SNX29: variants seen among roughly 807,000 people sequenced by gnomAD.
SNX29 encodes the protein sorting nexin-29.
A neutral mutation model predicts 102.1 loss-of-function variants in SNX29; 78 were observed. The ratio of observed to expected loss-of-function variants is 0.76; its 90% CI spans 0.64 to 0.92. The LOEUF (loss-of-function observed/expected upper bound fraction) is 0.92. Among genes scored for constraint, SNX29 ranks in the 40% least tolerant of loss-of-function variants. The pLI is 0.00. For synonymous variants in SNX29, 580 were observed against 414.5 expected (o/e 1.40, Z -4.85); for missense variants, 1,280 against 1,061.7 (o/e 1.21, Z -2.86).
intron 1 of SNX29, among the ~76,000 whole-genome samples, chr16:11,983,438 C>T (rs1023807715): frequency 1.3e-5 from 2 of 151,998 alleles, no homozygotes; most frequent in Non-Finnish European, 2.9e-5. Context: ...ACTGGGCCCT[C>T]TCTGACAGTA....
At chr16:12,171,520 GCT>G (rs1466734774) in intron 13 of SNX29, among the ~76,000 whole-genome samples, 2 of 152,226 alleles carry the variant, frequency 1.3e-5, no homozygotes, top group Non-Finnish European at 2.9e-5. Flanking sequence ...TGAGCACCCA[GCT>G]CTGGCTGTAG....
chr16:12,304,822 T>G (rs2080289429), intron 15 of SNX29, among the ~76,000 whole-genome samples: 1 of 152,258 alleles, frequency 6.6e-6, no homozygotes, highest in Admixed American at 6.5e-5. Context: ...TAAACTCTCA[T>G]TTACCTAGCA....
intron 20 of SNX29, among the ~76,000 whole-genome samples, chr16:12,534,724 C>A (rs539838466): frequency 3.3e-5 from 5 of 152,358 alleles, no homozygotes; most frequent in Admixed American, 3.3e-4. Flanking sequence ...CTGTCACTCA[C>A]TGCCCCTTGC....
At chr16:12,128,461 T>TC (rs1423416324) in intron 12 of SNX29, among the ~76,000 whole-genome samples, 1 of 150,656 alleles carries the variant, frequency 6.6e-6, no homozygotes, top group Non-Finnish European at 1.5e-5. Context: ...TCTTTTTTTT[T>TC]TTTTTTTTTG....
At chr16:12,164,773 C>T (rs542071470) in intron 13 of SNX29, among the ~76,000 whole-genome samples, 18 of 149,416 alleles carry the variant, frequency 1.2e-4, no homozygotes, top group African/African-American at 4.2e-4. Flanking sequence ...CTGCAACATC[C>T]GCCTCCCGGG....
At chr16:12,531,578 C>G (rs1014962369) in intron 20 of SNX29, among the ~76,000 whole-genome samples, 1 of 152,200 alleles carries the variant, frequency 6.6e-6, no homozygotes, top group East Asian at 1.9e-4. Flanking sequence ...CATTGCCATT[C>G]TCTGGGATGA....
At chr16:12,538,476 C>T (rs140547599) in intron 20 of SNX29, among the ~76,000 whole-genome samples, 2 of 152,144 alleles carry the variant, frequency 1.3e-5, no homozygotes, top group African/African-American at 2.4e-5. Flanking sequence ...TATGTTGATG[C>T]TGTGTAACAT....
intron 14 of SNX29, among the ~76,000 whole-genome samples, chr16:12,204,422 G>A (rs986088191): frequency 6.6e-6 from 1 of 152,192 alleles, no homozygotes; most frequent in African/African-American, 2.4e-5. Context: ...CTGCTCCTGT[G>A]CTGTAAAGCT....
intron 13 of SNX29, among the ~76,000 whole-genome samples, chr16:12,140,118 G>A (rs1333404556): frequency 3.3e-5 from 5 of 152,000 alleles, no homozygotes; most frequent in African/African-American, 1.2e-4. Flanking sequence ...CAGGAGAAGA[G>A]CTAGCTTTTT....
At chr16:12,133,426 A>C (rs2054547824) in intron 13 of SNX29, among the ~76,000 whole-genome samples, 1 of 151,116 alleles carries the variant, frequency 6.6e-6, no homozygotes, top group South Asian at 2.1e-4. Flanking sequence ...AGTAGCTGGG[A>C]CTACAGGCAT....
chr16:12,144,368 G>T (rs1384629162), intron 13 of SNX29, among the ~76,000 whole-genome samples: 1 of 152,176 alleles, frequency 6.6e-6, no homozygotes, highest in Non-Finnish European at 1.5e-5. Flanking sequence ...CAACATGTAG[G>T]TTTGTGCTAT....
chr16:12,560,129 T>G (rs2141462876), intron 20 of SNX29, among the ~76,000 whole-genome samples: 2 of 127,232 alleles, frequency 1.6e-5, no homozygotes, highest in South Asian at 3.0e-4. Flanking sequence ...TAGTTCTGTG[T>G]TCCCCTCCCC....
At position 12,362,946 on chromosome 16, in the gene SNX29, G is replaced by C. The variant is rs1427869437; in HGVS notation, c.1899+6667G>C. On this transcript the variant is annotated intron_variant, in intron 16 of 20. Coordinates refer to ENST00000566228, the MANE Select transcript of SNX29 (RefSeq NM_032167.5). The stretch of plus-strand genomic sequence containing the variant: ...GGGTCAACTCATTGAGTGAATGAAT[G>C]AATGTCACCAGTGGGCCCCCATGCC... Among the ~76,000 whole-genome samples the C allele has an allele frequency of 3.9e-5, 6 of 152,140 alleles. No individual in the cohort carries two copies. The East Asian group carries it at 9.7e-4, about 24-fold the overall frequency.
intron 13 of SNX29, among the ~76,000 whole-genome samples, chr16:12,192,691 T>C (rs2076673435): frequency 6.6e-6 from 1 of 151,920 alleles, no homozygotes; most frequent in African/African-American, 2.4e-5. Context: ...TTTAAATTAA[T>C]TTTATTTCAT....
At chr16:12,389,246 G>C (rs185043362) in intron 16 of SNX29, among the ~76,000 whole-genome samples, 1 of 152,166 alleles carries the variant, frequency 6.6e-6, no homozygotes, top group Non-Finnish European at 1.5e-5. Context: ...GGATGAAATA[G>C]TGCATGAGAA....
chr16:12,520,034 G>A (rs2090037078), intron 19 of SNX29, among the ~76,000 whole-genome samples: 1 of 152,012 alleles, frequency 6.6e-6, no homozygotes. Flanking sequence ...AAAAAAGTAA[G>A]AAAACAAAAC....
intron 19 of SNX29, among the ~76,000 whole-genome samples, chr16:12,480,613 C>T (rs1359065548): frequency 6.6e-6 from 1 of 152,164 alleles, no homozygotes; most frequent in Non-Finnish European, 1.5e-5. Context: ...TTGCGCCCAC[C>T]ACATGTTAGA....
At chr16:12,322,479 TG>T (rs2080971484) in intron 15 of SNX29, among the ~76,000 whole-genome samples, 1 of 152,206 alleles carries the variant, frequency 6.6e-6, no homozygotes, top group Non-Finnish European at 1.5e-5. Flanking sequence ...AAAAGAATTG[TG>T]GGTTACTGCA....
At chr16:11,979,273 T>G (rs1473584428) in intron 1 of SNX29, among the ~76,000 whole-genome samples, 3 of 4,020 alleles carry the variant, frequency 7.5e-4, no homozygotes, top group African/African-American at 2.1e-3. Context: ...AGACTCAGTC[T>G]CCAAAAAAAA....
Sources: gnomAD v4.1 joint callset for allele counts (sites outside exome capture counted in the v4.1 genomes callset) on GRCh38, gnomAD v4.1.1 for gene constraint, MANE v1.5 for transcripts, NCBI Gene and HGNC (gene_info 2026-07-23, HGNC 2026-07-21) for gene names.